ZC3H18: variants seen among roughly 807,000 people sequenced by gnomAD.
The protein encoded by ZC3H18 is zinc finger CCCH domain-containing protein 18.
ZC3H18 carries 8 observed loss-of-function variants against 106.1 expected under a neutral mutation model. The ratio of observed to expected loss-of-function variants is 0.08; its 90% CI spans 0.04 to 0.14. The LOEUF (loss-of-function observed/expected upper bound fraction) is 0.14, where lower values mean the gene tolerates loss of function less well. Among genes scored for constraint, ZC3H18 ranks in the 10% least tolerant of loss-of-function variants. The probability of loss-of-function intolerance (pLI) is 1.00; values close to 1 mark genes in which losing one functional copy is unlikely to be tolerated. For synonymous variants in ZC3H18, 635 were observed against 522.1 expected (o/e 1.22, Z -2.95); for missense variants, 1,318 against 1,278.4 (o/e 1.03, Z -0.47).
chr16:88,598,625 G>T lies in ZC3H18; in HGVS notation c.843G>T (p.Gly281=), dbSNP rs760346239. ...HPLMPANPWG[G]PVVDEILPPP... ...CCCTTCTCGTTTTTCAATAGGGTGG[G>T]CCGGTAGTTGATGAAATTTTGCCTC... The change falls in exon 5 of 18, where the codon GGG becomes GGT. Residue 281 remains glycine (G), a synonymous_variant. Transcript: ENST00000301011. 6.2e-7 allele frequency: 1 copy of T among 1,609,394 alleles called. No individual in the cohort carries two copies. The highest frequency in any genetic ancestry group is 8.5e-7 in the Non-Finnish European group (1 of 1,177,500).
chr16:88,622,561 C>A, intron 9 of ZC3H18, 173 bp downstream of exon 9: 1 of 698,444 alleles, frequency 1.4e-6, no homozygotes, highest in Non-Finnish European at 2.3e-6. Context: ...CAGCAAAGAG[C>A]ATCAATGCCA....
chr16:88,587,502 C>A, intron 3 of ZC3H18: 1 of 1,502,138 alleles, frequency 6.7e-7, no homozygotes. Flanking sequence ...CTGTGTGTGC[C>A]ATCTAAAGCT....
chr16:88,582,735 C>T (rs1025492711), intron 2 of ZC3H18, among the ~76,000 whole-genome samples: 2 of 152,160 alleles, frequency 1.3e-5, no homozygotes, highest in South Asian at 2.1e-4. Context: ...CGCAGGCCAC[C>T]GTCCTTACAG....
At chr16:88,579,729 G>T (rs1016957078) in intron 2 of ZC3H18, among the ~76,000 whole-genome samples, 1 of 152,172 alleles carries the variant, frequency 6.6e-6, no homozygotes, top group Admixed American at 6.5e-5. Flanking sequence ...GTTGAAAACG[G>T]AGTGCTGCTG....
intron 3 of ZC3H18, 80 bp from the exon 4 acceptor site, chr16:88,598,098 T>TCCCACCC (rs1274782608): frequency 9.8e-6 from 1 of 102,148 alleles, no homozygotes; most frequent in South Asian, 5.9e-5. Flanking sequence ...CTCTGCCCCC[T>TCCCACCC]CCCACCCCCC....
At chr16:88,580,986 C>T (rs926707846) in intron 2 of ZC3H18, among the ~76,000 whole-genome samples, 1 of 152,174 alleles carries the variant, frequency 6.6e-6, no homozygotes, top group Non-Finnish European at 1.5e-5. Flanking sequence ...AGGGTCTTAC[C>T]GGCCCAGTCA....
intron 3 of ZC3H18, among the ~76,000 whole-genome samples, chr16:88,593,671 T>TC (rs1362122129): frequency 6.6e-6 from 1 of 152,134 alleles, no homozygotes; most frequent in Non-Finnish European, 1.5e-5. Context: ...CTGTGCGCTC[T>TC]CCGTGGAGCA....
intron 6 of ZC3H18, among the ~76,000 whole-genome samples, chr16:88,601,836 G>A (rs1340840985): frequency 6.6e-6 from 1 of 152,078 alleles, no homozygotes; most frequent in East Asian, 1.9e-4. Flanking sequence ...GGACCTCTGG[G>A]AACAGGGTCA....
chr16:88,577,474 C>T lies in ZC3H18; in HGVS notation c.351C>T (p.Ser117=). Reference sequence around the variant, plus strand: ...CAAGCGACCTTAGGGATGAGGCCTCCTCAGTCACCAGGGAGCTGGATGAGC... The same window carrying T: ...CAAGCGACCTTAGGGATGAGGCCTCTTCAGTCACCAGGGAGCTGGATGAGC... ...DRTSDLRDEA[S]SVTRELDEHE... The change falls in exon 2 of 18, where the codon TCC becomes TCT. Residue 117 remains serine (S), a synonymous_variant. Coordinates refer to ENST00000301011, the MANE Select transcript of ZC3H18 (RefSeq NM_144604.4). 2 of 1,612,714 alleles carry T rather than the reference C, an allele frequency of 1.2e-6. No homozygotes were observed. The highest frequency in any genetic ancestry group is 2.2e-5 in the South Asian group (2 of 90,990).
intron 2 of ZC3H18, among the ~76,000 whole-genome samples, chr16:88,583,250 G>C (rs992846312): frequency 6.7e-6 from 1 of 148,338 alleles, no homozygotes; most frequent in Non-Finnish European, 1.5e-5. Flanking sequence ...GAAAGGAAAA[G>C]AAAAGGCTGC....
chr16:88,574,312 C>T (rs1914599665), intron 1 of ZC3H18, among the ~76,000 whole-genome samples: 1 of 151,918 alleles, frequency 6.6e-6, no homozygotes, highest in Non-Finnish European at 1.5e-5. Context: ...CAGGTTCAAG[C>T]GATTCTCTCG....
At chr16:88,605,810 T>G (rs1303763028) in intron 6 of ZC3H18, among the ~76,000 whole-genome samples, 2 of 152,262 alleles carry the variant, frequency 1.3e-5, no homozygotes, top group African/African-American at 4.8e-5. Context: ...TCACCTGCCA[T>G]GCCTCTCCCT....
chr16:88,573,192 G>A (rs1914518520), intron 1 of ZC3H18, among the ~76,000 whole-genome samples: 1 of 152,038 alleles, frequency 6.6e-6, no homozygotes, highest in Non-Finnish European at 1.5e-5. Context: ...CATATTTCAG[G>A]TCTGGGTTCA....
At chr16:88,571,417 T>G (rs1010734690) in intron 1 of ZC3H18, among the ~76,000 whole-genome samples, 2 of 152,246 alleles carry the variant, frequency 1.3e-5, no homozygotes, top group Non-Finnish European at 2.9e-5. Flanking sequence ...TCCAGCCTGT[T>G]GTCTGTAGAG....
intron 8 of ZC3H18, among the ~76,000 whole-genome samples, chr16:88,616,533 C>G (rs1213658310): frequency 6.6e-6 from 1 of 152,222 alleles, no homozygotes; most frequent in Non-Finnish European, 1.5e-5. Flanking sequence ...GGCCCGCTAC[C>G]TGCCTGGAGG....
At chr16:88,622,055 T>G in intron 8 of ZC3H18, 142 bp from the exon 9 acceptor site, 1 of 1,016,716 alleles carries the variant, frequency 9.8e-7, no homozygotes, top group Non-Finnish European at 1.4e-6. Context: ...GTGGCCTTTT[T>G]TCCCCTTAGG....
At position 88,611,601 on chromosome 16, in the gene ZC3H18, C is replaced by G. The variant is rs891551433; in HGVS notation, c.1475+65C>G. ...TCCGGCATGCAGCTCTGTACCTAGTCCCCCTGGCCTGCGCTTCCCCTCTGT... is the reference window on the plus strand; with the variant it reads ...TCCGGCATGCAGCTCTGTACCTAGTGCCCCTGGCCTGCGCTTCCCCTCTGT... On this transcript the variant is annotated intron_variant, in intron 8 of 17. Transcript: ENST00000301011. 7 of 1,509,462 alleles carry G rather than the reference C, an allele frequency of 4.6e-6. No individual in the cohort carries two copies. In the African/African-American group the frequency reaches 9.7e-5, roughly 21 times the overall value. 93.5% of individuals were successfully genotyped at this position (1,509,462 alleles called of 1,614,324 possible).
At chr16:88,587,229 G>A (rs200325658) in intron 3 of ZC3H18, among the ~76,000 whole-genome samples, 2 of 152,210 alleles carry the variant, frequency 1.3e-5, no homozygotes, top group East Asian at 1.9e-4. Flanking sequence ...GTAAGAAAGT[G>A]TCAGAAAAGT....
chr16:88,628,026 G>T lies in ZC3H18; in HGVS notation c.2376G>T (p.Gln792His), dbSNP rs369591276. The change falls in exon 15 of 18, where the codon CAG becomes CAT. Residue 792 changes from glutamine (Q) to histidine (H), a missense_variant. By Grantham distance (24) the Gln-to-His change is conservative. This residue lies in a region of ZC3H18 where 848 missense variants were observed against 821.7 expected (regional missense o/e 1.03). Coordinates refer to ENST00000301011, the MANE Select transcript of ZC3H18 (RefSeq NM_144604.4). The part of the protein sequence containing the change: ...AKPPAGGKSS[Q>H]QPSTPQQAPP... ...CTCCAGCAGGGGGGAAGTCCTCCCA[G>T]CAGCCCTCGACACCCCAGCAGGCAC... is the stretch of plus-strand genomic sequence containing the variant. 5.6e-6 allele frequency: 9 copies of T among 1,614,162 alleles called. No homozygotes were observed. The highest frequency in any genetic ancestry group is 4.0e-5 in the African/African-American group (3 of 75,058).
Sources: gnomAD v4.1 joint callset for allele counts (sites outside exome capture counted in the v4.1 genomes callset) on GRCh38, gnomAD v4.1.1 for gene constraint, gnomAD v4.1.1 regional missense constraint, MANE v1.5 for transcripts, NCBI Gene and HGNC (gene_info 2026-07-23, HGNC 2026-07-21) for gene names.